GNAS: variants seen among roughly 807,000 people sequenced by gnomAD.
GNAS encodes GNAS complex locus.
GNAS carries 8 observed loss-of-function variants against 54.5 expected under a neutral mutation model. The observed-to-expected ratio is 0.15, with a 90% CI of 0.09 to 0.26. The LOEUF is 0.26. GNAS is among the 10% of genes least tolerant of loss of function. The pLI, the probability that GNAS is intolerant of heterozygous loss-of-function variation, is 1.00. For missense variants in GNAS, 170 were observed against 529.8 expected (o/e 0.32, Z 6.67); for synonymous variants, 204 against 191.4 (o/e 1.07, Z -0.54).
At chr20:58,890,920 C>G (rs1026320956), upstream of GNAS, 1 of 152,042 alleles carries the variant, frequency 6.6e-6, no homozygotes, top group African/African-American at 2.4e-5. Context: ...CTCGCTCTTT[C>G]GAAAATTTTC....
Position 58,909,798 on chromosome 20 carries a change from A to G in GNAS, c.833A>G (p.Asn278Ser). The change falls in exon 10 of 13, where the codon AAC (asparagine) becomes AGC (serine). Residue 278 changes from asparagine to serine, a missense_variant. Around this residue, in one of 3 missense-constraint regions of GNAS, gnomAD observed 36 missense variants for 223.0 expected, o/e 0.16. Coordinates refer to ENST00000371085, the MANE Select transcript of GNAS (RefSeq NM_000516.7). This position sits in a 1 kb window ranked among gnomAD's most constrained non-coding sequence, Gnocchi z 7.3. Reference sequence around the variant, plus strand: ...CTGAACCTCTTCAAGAGCATCTGGAACAACAGGTTTGTGGAGTGACCGCCC... The same window carrying G: ...CTGAACCTCTTCAAGAGCATCTGGAGCAACAGGTTTGTGGAGTGACCGCCC... ...EALNLFKSIW[N>S]NRWLRTISVI... 1 of 1,613,592 alleles carries G rather than the reference A, an allele frequency of 6.2e-7. No homozygotes were observed. The highest frequency in any genetic ancestry group is 8.5e-7 in the Non-Finnish European group (1 of 1,180,018).
In GNAS at chr20:58,854,699, G is replaced by A. The variant is rs1199692843; in HGVS notation, c.43+13813G>A. 29 of 1,529,792 alleles carry A rather than the reference G, an allele frequency of 1.9e-5. No individual in the cohort carries two copies. In the South Asian group the frequency reaches 2.3e-4, roughly 12 times the overall value. 94.8% of individuals were successfully genotyped at this position (1,529,792 alleles called of 1,614,324 possible). On this transcript the variant is annotated intron_variant, in intron 1 of 12. Transcript: ENST00000306090. ...CCCCTGAGGCTCCCGCCGCCCCTGC[G>A]GCTGCTGAGACCCGGGCAGCCCATG...
chr20:58,905,338 T>A (rs2146207055), intron 5 of GNAS, 45 bp from the exon 6 acceptor site: 1 of 1,083,434 alleles, frequency 9.2e-7, no homozygotes, highest in East Asian at 2.3e-5. Context: ...TGTTGATTAG[T>A]TCAAGCTCTT....
chr20:58,900,696 T>C (rs902743010), intron 3 of GNAS, among the ~76,000 whole-genome samples: 2 of 152,338 alleles, frequency 1.3e-5, no homozygotes, highest in East Asian at 1.9e-4. Flanking sequence ...TTGAGTAGTT[T>C]AAAGACATCT....
At chr20:58,889,739 C>T (rs185985752), upstream of GNAS, among the ~76,000 whole-genome samples, 1 of 150,978 alleles carries the variant, frequency 6.6e-6, no homozygotes, top group Non-Finnish European at 1.5e-5. Flanking sequence ...CAGCCGCGCT[C>T]CGCGGCCCCG....
In GNAS at chr20:58,858,394, T is replaced by G. The variant is rs184597193; in HGVS notation, c.43+17508T>G. On this transcript the variant is annotated intron_variant, in intron 1 of 12. Transcript: ENST00000306090. Reference sequence around the variant, plus strand: ...AAAGAGAGAGAGAGAGAGAGAAAGATAGATAGAAATCAGTAATATGATTAA... The same window carrying G: ...AAAGAGAGAGAGAGAGAGAGAAAGAGAGATAGAAATCAGTAATATGATTAA... Among the ~76,000 whole-genome samples, 249 of 152,300 alleles carry G rather than the reference T, an allele frequency of 1.6e-3. 2 individuals are homozygous for G. Among genetic ancestry groups the G allele is most frequent in the African/African-American group, 5.6e-3 (232 of 41,556 alleles).
At chr20:58,901,693 G>T (rs1322419606) in intron 3 of GNAS, among the ~76,000 whole-genome samples, 1 of 152,126 alleles carries the variant, frequency 6.6e-6, no homozygotes, top group Non-Finnish European at 1.5e-5. Context: ...GGCGAGATGG[G>T]ATCCTTCAGC....
At chr20:58,842,052 C>T (rs2085754837) in intron 1 of GNAS, 1 of 509,328 alleles carries the variant, frequency 2.0e-6, no homozygotes, top group Admixed American at 4.4e-5. Flanking sequence ...CTCCGGCAGC[C>T]TTGGGGAGGG....
chr20:58,872,878 G>C (rs1291734711), intron 1 of GNAS, among the ~76,000 whole-genome samples: 2 of 152,106 alleles, frequency 1.3e-5, no homozygotes, highest in African/African-American at 4.8e-5. Context: ...ATCAGCTCAA[G>C]AGAAAAAAAA....
Position 58,910,751 on chromosome 20 carries a change from T to C in GNAS, c.1107T>C (p.Thr369=). The C allele has an allele frequency of 6.2e-7, 1 of 1,613,936 alleles. No homozygotes were observed. Among genetic ancestry groups the C allele is most frequent in the Non-Finnish European group, 8.5e-7 (1 of 1,179,788 alleles). ...CTCATTTCACCTGCGCTGTGGACAC[T>C]GAGAACATCCGCCGTGTGTTCAACG... ...CYPHFTCAVD[T]ENIRRVFNDC... Residue 369 remains threonine, a synonymous_variant, in exon 13 of 13, where the codon ACT becomes ACC. Transcript: ENST00000371085. The surrounding 1 kb of genome is among the most constrained non-coding windows in gnomAD (Gnocchi z 5.8).
intron 1 of GNAS, among the ~76,000 whole-genome samples, chr20:58,845,715 A>G (rs1378907045): frequency 6.6e-6 from 1 of 152,188 alleles, no homozygotes; most frequent in Non-Finnish European, 1.5e-5. Flanking sequence ...AAACGCCTCC[A>G]ATAGCTATGC....
In GNAS at chr20:58,841,128, G is replaced by A. The variant is rs2085703821; in HGVS notation, c.43+242G>A. On this transcript the variant is annotated intron_variant, in intron 1 of 12. Coordinates refer to the GNAS transcript ENST00000306090. This position sits in a 1 kb window ranked among gnomAD's most constrained non-coding sequence, Gnocchi z 5.0. Reference sequence around the variant, plus strand: ...CGGGGCGCACGCCGTGCGTCCCGCTGGAGACAACCTGAGGTCTCCGAGCTG... The same window carrying A: ...CGGGGCGCACGCCGTGCGTCCCGCTAGAGACAACCTGAGGTCTCCGAGCTG... Among the ~76,000 whole-genome samples, 1 of 152,116 alleles carries A rather than the reference G, an allele frequency of 6.6e-6. No individual in the cohort carries two copies. Among genetic ancestry groups the A allele is most frequent in the South Asian group, 2.1e-4 (1 of 4,832 alleles).
chr20:58,909,939 C>A lies in GNAS; in HGVS notation c.840-12C>A, dbSNP rs747780101. ...CTTCTCCCAAGCATTCACACGGCCT[C>A]CCTTCTTGTAGATGGCTGCGCACCA... On this transcript the variant is annotated splice_polypyrimidine_tract_variant and intron_variant, in intron 10 of 12. Coordinates refer to ENST00000371085, the MANE Select transcript of GNAS (RefSeq NM_000516.7). This position sits in a 1 kb window ranked among gnomAD's most constrained non-coding sequence, Gnocchi z 7.3. 15 of 1,613,992 alleles carry A rather than the reference C, an allele frequency of 9.3e-6. No homozygotes were observed. Among genetic ancestry groups the A allele is most frequent in the Non-Finnish European group, 1.2e-5 (14 of 1,179,962 alleles).
intron 3 of GNAS, 86 bp downstream of exon 3, chr20:58,899,071 G>C (rs2090353106): frequency 9.6e-7 from 1 of 1,037,810 alleles, no homozygotes; most frequent in African/African-American, 1.6e-5. Flanking sequence ...AGAGACCCGG[G>C]AAGAAAATAA....
intron 1 of GNAS, chr20:58,892,193 C>A (rs1030517199): frequency 2.0e-6 from 2 of 976,412 alleles, no homozygotes; most frequent in African/African-American, 1.8e-5. Context: ...GAGGCCTACA[C>A]GACGCCAGGG....
At chr20:58,896,637 AAAAG>A (rs199705012) in intron 2 of GNAS, among the ~76,000 whole-genome samples, 57 of 152,208 alleles carry the variant, frequency 3.7e-4, no homozygotes, top group Middle Eastern at 6.8e-3. Flanking sequence ...AAAAAAAAGA[AAAAG>A]AAAAAACAAA....
intron 1 of GNAS, among the ~76,000 whole-genome samples, chr20:58,878,476 T>TACCTCTTGCTAA (rs2087987106): frequency 6.6e-6 from 1 of 152,198 alleles, no homozygotes; most frequent in Non-Finnish European, 1.5e-5. Flanking sequence ...TTCTTACATT[T>TACCTCTTGCTAA]AGCAAGAGGT....
In GNAS at chr20:58,903,551, A is replaced by G. The variant is rs1216764349; in HGVS notation, c.278A>G (p.Gln93Arg). The change falls in exon 4 of 13, where the codon CAG becomes CGG. Residue 93 changes from glutamine (Q) to arginine (R), a missense_variant. Around this residue, in one of 3 missense-constraint regions of GNAS, gnomAD observed 78 missense variants for 251.1 expected, o/e 0.31. Transcript: ENST00000371085. Reference sequence around the variant, plus strand: ...TGCAGTGAGAAGGCAACCAAAGTGCAGGACATCAAAAACAACCTGAAAGAG... The same window carrying G: ...TGCAGTGAGAAGGCAACCAAAGTGCGGGACATCAAAAACAACCTGAAAGAG... Reference protein sequence around the residue: ...NSDGEKATKVQDIKNNLKEAI... With the variant: ...NSDGEKATKVRDIKNNLKEAI... The G allele has an allele frequency of 1.2e-6, 2 of 1,614,132 alleles. No individual in the cohort carries two copies. Among genetic ancestry groups the G allele is most frequent in the Admixed American group, 1.7e-5 (1 of 60,032 alleles).
At chr20:58,898,822 G>C in intron 2 of GNAS, 119 bp from the exon 3 acceptor site, 1 of 900,638 alleles carries the variant, frequency 1.1e-6, no homozygotes, top group Admixed American at 1.7e-5. Context: ...GATGGCTGGC[G>C]CGCGAATTGT....
Sources: allele counts gnomAD v4.1 joint callset (sites outside exome capture counted in the v4.1 genomes callset), GRCh38; gene constraint gnomAD v4.1.1; regional missense constraint gnomAD v4.1.1; non-coding constraint Gnocchi (gnomAD v3.1); transcripts MANE v1.5; gene names NCBI Gene and HGNC (gene_info 2026-07-23, HGNC 2026-07-21).